Variants in DNAAF9 observed in about 807,000 individuals in gnomAD.
DNAAF9 encodes the protein dynein axonemal assembly factor 9, also known as shulin.
A neutral mutation model predicts 167.0 loss-of-function variants in DNAAF9; 90 were observed. That is an observed-to-expected ratio of 0.54 (90% CI 0.45 to 0.64). The LOEUF (loss-of-function observed/expected upper bound fraction) is 0.64. DNAAF9 is among the 30% of genes least tolerant of loss of function. The probability of loss-of-function intolerance (pLI) is 0.00; values close to 1 mark genes in which losing one functional copy is unlikely to be tolerated. For synonymous variants in DNAAF9, 491 were observed against 508.8 expected, an observed-to-expected ratio of 0.96 and a Z score of 0.47; for missense variants, 1,315 against 1,442.2, an observed-to-expected ratio of 0.91 and a Z score of 1.43.
chr20:3,256,554 G>T lies in DNAAF9; in HGVS notation c.3056-343C>A, dbSNP rs953650455. On this transcript the variant is annotated intron_variant, in intron 33 of 36. Transcript: ENST00000252032. Reference sequence around the variant, plus strand: ...GGAAAAGAAAGGATGGAGTAAGAGAGAGAGACAGAGAGGAACAAAATAAGT... The same window carrying T: ...GGAAAAGAAAGGATGGAGTAAGAGATAGAGACAGAGAGGAACAAAATAAGT... Among the ~76,000 whole-genome samples, 9 of 152,298 alleles carry T rather than the reference G, an allele frequency of 5.9e-5. No homozygotes were observed. The South Asian group carries it at 1.7e-3, about 28-fold the overall frequency.
intron 12 of DNAAF9, 123 bp from the exon 13 acceptor site, chr20:3,326,407 T>C: frequency 1.5e-6 from 1 of 665,060 alleles, no homozygotes; most frequent in Non-Finnish European, 2.7e-6. Context: ...AAGGCAAAAA[T>C]ATAACCCACT....
intron 6 of DNAAF9, chr20:3,360,211 T>A (rs1307030939): frequency 6.6e-6 from 1 of 152,356 alleles, no homozygotes; most frequent in African/African-American, 2.4e-5. Flanking sequence ...GGTATTTACC[T>A]CCAGTTTTGA....
intron 20 of DNAAF9, among the ~76,000 whole-genome samples, chr20:3,314,394 A>T (rs1331244597): frequency 6.6e-6 from 1 of 152,150 alleles, no homozygotes; most frequent in Non-Finnish European, 1.5e-5. Context: ...ATTCAATACA[A>T]GAAGGTTCTT....
intron 1 of DNAAF9, among the ~76,000 whole-genome samples, chr20:3,404,055 G>A (rs2084023432): frequency 6.6e-6 from 1 of 152,186 alleles, no homozygotes; most frequent in Non-Finnish European, 1.5e-5. Flanking sequence ...TTGAGATGGA[G>A]TTTCACTCTT....
chr20:3,263,477 T>C (rs2068430722), intron 31 of DNAAF9, among the ~76,000 whole-genome samples: 1 of 152,196 alleles, frequency 6.6e-6, no homozygotes, highest in Non-Finnish European at 1.5e-5. Flanking sequence ...GGAATAAGTG[T>C]AGCACGATGC....
chr20:3,362,231 T>A (rs1314931187), intron 6 of DNAAF9: 2 of 1,400,826 alleles, frequency 1.4e-6, no homozygotes, highest in African/African-American at 2.8e-5. Context: ...CAGCTAACTG[T>A]GTCATCTCCT....
chr20:3,370,846 T>C (rs928448256), intron 6 of DNAAF9, among the ~76,000 whole-genome samples: 1 of 152,160 alleles, frequency 6.6e-6, no homozygotes, highest in African/African-American at 2.4e-5. Flanking sequence ...CCCTTTTCAG[T>C]TTTTTTACAA....
chr20:3,264,088 G>A (rs2122769141), intron 31 of DNAAF9, among the ~76,000 whole-genome samples: 1 of 152,360 alleles, frequency 6.6e-6, no homozygotes, highest in Admixed American at 6.5e-5. Context: ...TGACGGTATT[G>A]TCAGAAGCGA....
chr20:3,378,620 G>A (rs925665204), intron 3 of DNAAF9, among the ~76,000 whole-genome samples: 4 of 152,068 alleles, frequency 2.6e-5, no homozygotes, highest in East Asian at 1.9e-4. Context: ...TCAGAAACAA[G>A]AGCCATTAGG....
intron 20 of DNAAF9, among the ~76,000 whole-genome samples, chr20:3,312,026 T>A (rs927700469): frequency 1.3e-5 from 2 of 150,842 alleles, no homozygotes. Context: ...ATCATTCTTG[T>A]TGCCCAGGCT....
chr20:3,283,124 C>A (rs895104983), intron 27 of DNAAF9, among the ~76,000 whole-genome samples: 13 of 152,150 alleles, frequency 8.5e-5, no homozygotes, highest in Admixed American at 1.3e-4. Flanking sequence ...AGCCTCTTCA[C>A]CTTGTAGAGG....
At chr20:3,389,365 G>A (rs2083794741) in intron 1 of DNAAF9, among the ~76,000 whole-genome samples, 3 of 149,176 alleles carry the variant, frequency 2.0e-5, no homozygotes, top group African/African-American at 7.4e-5. Context: ...TGCCCAGGCT[G>A]GTCTCAAACT....
intron 30 of DNAAF9, among the ~76,000 whole-genome samples, chr20:3,269,733 A>T (rs6037525): frequency 0.57 from 86,673 of 151,480 alleles, 24,835 homozygotes; most frequent in Admixed American, 0.6. Flanking sequence ...GGCAGGCGGA[A>T]CACAAGGTCA....
At chr20:3,327,903 A>T (rs1377621179) in intron 12 of DNAAF9, among the ~76,000 whole-genome samples, 1 of 152,196 alleles carries the variant, frequency 6.6e-6, no homozygotes, top group Non-Finnish European at 1.5e-5. Context: ...CAGAGGGTAT[A>T]CCCTGGAAGG....
intron 27 of DNAAF9, among the ~76,000 whole-genome samples, chr20:3,283,334 C>A (rs1031827791): frequency 1.3e-5 from 2 of 152,166 alleles, no homozygotes; most frequent in African/African-American, 4.8e-5. Context: ...TGTAAAAAGG[C>A]CCTTGGCTTT....
intron 6 of DNAAF9, among the ~76,000 whole-genome samples, chr20:3,371,342 T>G (rs866523657): frequency 0.18 from 22,080 of 124,248 alleles, 2,002 homozygotes; most frequent in African/African-American, 0.22. Context: ...TCTTTTTTTT[T>G]TTTTTTTTTT....
chr20:3,331,840 AT>A (rs1191994537), intron 11 of DNAAF9, among the ~76,000 whole-genome samples: 1 of 152,058 alleles, frequency 6.6e-6, no homozygotes, highest in African/African-American at 2.4e-5. Flanking sequence ...CGCCTGGCTA[AT>A]TTTTGTATTT....
At chr20:3,330,069 A>G (rs1182918682) in intron 12 of DNAAF9, among the ~76,000 whole-genome samples, 2 of 152,246 alleles carry the variant, frequency 1.3e-5, no homozygotes, top group Admixed American at 6.5e-5. Flanking sequence ...AATGCATTAT[A>G]TAGAAAACAT....
At chr20:3,274,676 C>T (rs2068648873) in intron 29 of DNAAF9, among the ~76,000 whole-genome samples, 1 of 152,154 alleles carries the variant, frequency 6.6e-6, no homozygotes, top group Non-Finnish European at 1.5e-5. Flanking sequence ...TATCATAGGG[C>T]CTACAGAGAG....
Sources: gnomAD v4.1 joint callset for allele counts (sites outside exome capture counted in the v4.1 genomes callset) on GRCh38, gnomAD v4.1.1 for gene constraint, MANE v1.5 for transcripts, NCBI Gene and HGNC (gene_info 2026-07-23, HGNC 2026-07-21) for gene names.